The following KCNH6 variants were observed in gnomAD, a reference collection of about 807,000 sequenced individuals.
The protein encoded by KCNH6 is voltage-gated inwardly rectifying potassium channel KCNH6.
In KCNH6, 81 loss-of-function variants were observed where a neutral mutation model predicts 83.4. That is an observed-to-expected ratio of 0.97 (90% confidence interval 0.81 to 1.17). KCNH6 has a LOEUF of 1.17. Among genes scored for constraint, KCNH6 ranks in the 50% most tolerant of loss-of-function variants. The pLI is 0.00. For missense variants in KCNH6, 1,203 were observed against 1,290.5 expected (o/e 0.93, Z 1.04); for synonymous variants, 503 against 545.6 (o/e 0.92, Z 1.09).
chr17:63,545,872 T>A lies in KCNH6; in HGVS notation c.2847T>A (p.Asp949Glu). The change falls in exon 13 of 13, where the codon GAT becomes GAA. Residue 949 changes from aspartate (D) to glutamate (E), a missense_variant. By Grantham distance (45) the Asp-to-Glu change is conservative. Transcript: ENST00000314672. ...TGGACTTCCAGAGACATGGCTCAGA[T>A]CCTGGATTTGCAGGGAGTTGGGGCC... is the stretch of plus-strand genomic sequence containing the variant. ...KQLDFQRHGS[D>E]PGFAGSWGH is the part of the protein sequence containing the mutation. 2 of 1,613,982 alleles carry A rather than the reference T, an allele frequency of 1.2e-6. No homozygotes were observed. The highest frequency in any genetic ancestry group is 1.7e-6 in the Non-Finnish European group (2 of 1,179,996).
intron 4 of KCNH6, among the ~76,000 whole-genome samples, chr17:63,532,046 C>T (rs2032152290): frequency 2.0e-5 from 3 of 152,228 alleles, no homozygotes; most frequent in African/African-American, 7.2e-5. Context: ...GGCCTTGCAG[C>T]TCTGGGGGAC....
intron 6 of KCNH6, 136 bp from the exon 7 acceptor site, chr17:63,537,929 C>T (rs1015009906): frequency 9.5e-5 from 78 of 823,710 alleles, no homozygotes; most frequent in Non-Finnish European, 1.3e-4. Context: ...TGGCGCTGTC[C>T]TGGTCACTCC....
At chr17:63,530,063 C>G (rs756839021) in intron 2 of KCNH6, 28 bp from the exon 3 acceptor site, 7 of 1,608,446 alleles carry the variant, frequency 4.4e-6, no homozygotes, top group Middle Eastern at 2.1e-4. Flanking sequence ...TCAGGGCCCA[C>G]CCCCCATCCT....
At chr17:63,524,452 C>A in intron 2 of KCNH6, 83 bp downstream of exon 2, 1 of 1,213,290 alleles carries the variant, frequency 8.2e-7, no homozygotes, top group Non-Finnish European at 1.2e-6. Flanking sequence ...GGGGAAGGCA[C>A]TGACCCAGGG....
At position 63,535,809 on chromosome 17, in the gene KCNH6, G is replaced by T. The variant is rs140933220; in HGVS notation, c.1242G>T (p.Trp414Cys). The change falls in exon 6 of 13, where the codon TGG becomes TGT. Residue 414 changes from tryptophan (W) to cysteine (C), a missense_variant. Trp to Cys is a radical substitution (Grantham distance 215). Coordinates refer to ENST00000314672, the MANE Select transcript of KCNH6 (RefSeq NM_001278919.2). The surrounding 1 kb of genome is among the most constrained non-coding windows in gnomAD (Gnocchi z 4.9). ...GCACCTTCGCGCTCATAGCGCACTG[G>T]CTGGCCTGCATCTGGTACGCCATCG... ...LMCTFALIAH[W>C]LACIWYAIGN... is the part of the protein sequence containing the mutation. 7.3e-5 allele frequency: 118 copies of T among 1,614,104 alleles called. No homozygotes were observed. Among genetic ancestry groups the T allele is most frequent in the Non-Finnish European group, 9.0e-5 (106 of 1,180,054 alleles).
chr17:63,532,141 G>A (rs551741168), intron 4 of KCNH6, among the ~76,000 whole-genome samples: 2 of 152,252 alleles, frequency 1.3e-5, no homozygotes, highest in South Asian at 4.1e-4. Flanking sequence ...CTGTCTGGGG[G>A]CCCTGAGAAG....
chr17:63,527,580 G>C (rs1309194665), intron 2 of KCNH6, among the ~76,000 whole-genome samples: 1 of 152,176 alleles, frequency 6.6e-6, no homozygotes, highest in Middle Eastern at 3.2e-3. Flanking sequence ...AGACAAACCT[G>C]CTGCCCTTGG....
Position 63,538,644 on chromosome 17 carries a change from G to C in KCNH6, c.1936G>C (p.Val646Leu), listed in dbSNP as rs760167642. Reference sequence around the variant, plus strand: ...CTCCATCGAGATCCTGCGCGACGACGTGGTCGTGGCCATCCTAGGTGGGTC... The same window carrying C: ...CTCCATCGAGATCCTGCGCGACGACCTGGTCGTGGCCATCCTAGGTGGGTC... Reference protein sequence around the residue: ...RGSIEILRDDVVVAILGKNDI... With the variant: ...RGSIEILRDDLVVAILGKNDI... Residue 646 changes from valine to leucine, a missense_variant, in exon 8 of 13, where the codon GTG becomes CTG. Val to Leu is a conservative substitution (Grantham distance 32, BLOSUM62 1). Transcript: ENST00000314672. The surrounding 1 kb of genome is among the most constrained non-coding windows in gnomAD (Gnocchi z 4.0). 1.9e-5 allele frequency: 31 copies of C among 1,596,188 alleles called. No homozygotes were observed. The East Asian group carries it at 5.6e-4, about 29-fold the overall frequency.
Position 63,533,878 on chromosome 17 carries a change from A to T in KCNH6, c.676-8A>T. 1 of 1,607,082 alleles carries T rather than the reference A, an allele frequency of 6.2e-7. No individual in the cohort carries two copies. Among genetic ancestry groups the T allele is most frequent in the Non-Finnish European group, 8.5e-7 (1 of 1,176,704 alleles). ...CCGTGCCTGACCTCCCTCGGCCCCC[A>T]CCCCCAGGTCCTGTCCCTGGGCGCG... On this transcript the variant is annotated splice_polypyrimidine_tract_variant and splice_region_variant and intron_variant, in intron 4 of 12. Transcript: ENST00000314672. This position sits in a 1 kb window ranked among gnomAD's most constrained non-coding sequence, Gnocchi z 4.1.
chr17:63,531,305 G>A (rs1403709172), intron 4 of KCNH6, among the ~76,000 whole-genome samples: 1 of 152,266 alleles, frequency 6.6e-6, no homozygotes, highest in East Asian at 1.9e-4. Flanking sequence ...GGAACTATCA[G>A]CCCCCTTTCT....
intron 12 of KCNH6, 123 bp downstream of exon 12, chr17:63,545,387 C>T: frequency 9.3e-7 from 1 of 1,078,308 alleles, no homozygotes; most frequent in Non-Finnish European, 1.3e-6. Context: ...GCCAGGGCTT[C>T]TGCTTACCTC....
Position 63,534,146 on chromosome 17 carries a change from C to G in KCNH6, c.936C>G (p.Val312=), listed in dbSNP as rs762483105. The G allele has an allele frequency of 1.3e-6, 2 of 1,557,518 alleles. No individual in the cohort carries two copies. Among genetic ancestry groups the G allele is most frequent in the African/African-American group, 1.4e-5 (1 of 70,934 alleles). ...ATCTCATCGTGGACATCATGTTCGT[C>G]GTGGACATCGTCATCAACTTCCGCA... The part of the protein sequence containing the change: ...VVDLIVDIMF[V]VDIVINFRTT... Residue 312 remains valine (V), a synonymous_variant, in exon 5 of 13, where the codon GTC becomes GTG. Transcript: ENST00000314672. The surrounding 1 kb of genome is among the most constrained non-coding windows in gnomAD (Gnocchi z 5.0).
At position 63,533,789 on chromosome 17, in the gene KCNH6, C is replaced by A; in HGVS notation, c.676-97C>A. ...GCCCACCAGAGCCGTGGTCACCCAC[C>A]CTCTCCCACTACACCTTCCCCAGGC... is the stretch of plus-strand genomic sequence containing the variant. On this transcript the variant is annotated intron_variant, in intron 4 of 12. Coordinates refer to ENST00000314672, the MANE Select transcript of KCNH6 (RefSeq NM_001278919.2). The surrounding 1 kb of genome is among the most constrained non-coding windows in gnomAD (Gnocchi z 4.1). 2 of 1,181,700 alleles carry A rather than the reference C, an allele frequency of 1.7e-6. No homozygotes were observed. The highest frequency in any genetic ancestry group is 2.4e-6 in the Non-Finnish European group (2 of 831,320). 73.2% of individuals were successfully genotyped at this position (1,181,700 alleles called of 1,614,324 possible).
chr17:63,524,059 C>CAGT (rs759744113), intron 1 of KCNH6, 80 bp from the exon 2 acceptor site: 6 of 986,834 alleles, frequency 6.1e-6, no homozygotes, highest in Non-Finnish European at 9.7e-6. Flanking sequence ...TTACTGCCAC[C>CAGT]AAGAGTCCTT....
In KCNH6 at chr17:63,538,302, G is replaced by T. The variant is rs748480191; in HGVS notation, c.1701+38G>T. 44 of 1,611,848 alleles carry T rather than the reference G, an allele frequency of 2.7e-5. No individual in the cohort carries two copies. In the South Asian group the frequency reaches 3.6e-4, roughly 13 times the overall value. ...GCTCCGGCTAATGCCCCGGGCGTGG[G>T]GGGGAGCCAAGATCCTGCGGGGGCG... On this transcript the variant is annotated intron_variant, in intron 7 of 12. Coordinates refer to ENST00000314672, the MANE Select transcript of KCNH6 (RefSeq NM_001278919.2). The surrounding 1 kb of genome is among the most constrained non-coding windows in gnomAD (Gnocchi z 4.0).
chr17:63,535,952 A>C lies in KCNH6; in HGVS notation c.1385A>C (p.Lys462Thr). The change falls in exon 6 of 13, where the codon AAG (lysine) becomes ACG (threonine). Residue 462 changes from lysine (K) to threonine (T), a missense_variant. Transcript: ENST00000314672. This position sits in a 1 kb window ranked among gnomAD's most constrained non-coding sequence, Gnocchi z 4.9. ...GCCTCGGGCCCCTCGGTGCAGGACA[A>C]GTATGTCACAGCCCTCTACTTCACC... ...DPASGPSVQD[K>T]YVTALYFTFS... 6.2e-7 allele frequency: 1 copy of C among 1,613,938 alleles called. No individual in the cohort carries two copies. The highest frequency in any genetic ancestry group is 8.5e-7 in the Non-Finnish European group (1 of 1,180,038).
intron 6 of KCNH6, among the ~76,000 whole-genome samples, chr17:63,537,197 C>T (rs1046395382): frequency 6.6e-6 from 1 of 152,088 alleles, no homozygotes; most frequent in Admixed American, 6.6e-5. Flanking sequence ...AGGAAATGTC[C>T]GAGTGACTCA....
In KCNH6 at chr17:63,523,553, T is replaced by G; in HGVS notation, c.76+64T>G. The G allele has an allele frequency of 8.8e-6, 12 of 1,368,562 alleles. No homozygotes were observed. Among genetic ancestry groups the G allele is most frequent in the East Asian group, 2.5e-5 (1 of 39,668 alleles). The allele number at this position is 1,368,562 out of a possible 1,614,324, so 84.8% of individuals were successfully genotyped here. On this transcript the variant is annotated intron_variant, in intron 1 of 12. Transcript: ENST00000314672. The surrounding 1 kb of genome is among the most constrained non-coding windows in gnomAD (Gnocchi z 4.2). Reference sequence around the variant, plus strand: ...GTCCTGGTTCCGTGAAAGGGGGGGCTGGACCCCTTTACTAACTTCTAACCG... The same window carrying G: ...GTCCTGGTTCCGTGAAAGGGGGGGCGGGACCCCTTTACTAACTTCTAACCG...
chr17:63,526,518 G>A (rs542555674), intron 2 of KCNH6, among the ~76,000 whole-genome samples: 1 of 150,588 alleles, frequency 6.6e-6, no homozygotes, highest in African/African-American at 2.4e-5. Context: ...CCTCACACCC[G>A]ACTAATTTTT....
Sources: gnomAD v4.1 joint callset for allele counts (sites outside exome capture counted in the v4.1 genomes callset) on GRCh38, gnomAD v4.1.1 for gene constraint, Gnocchi (gnomAD v3.1) non-coding constraint, MANE v1.5 for transcripts, NCBI Gene and HGNC (gene_info 2026-07-23, HGNC 2026-07-21) for gene names.